Variants in CDH23 observed in about 807,000 individuals in gnomAD.
CDH23 encodes the protein cadherin related 23, also known as cadherin-23.
Under a neutral mutation model 317.1 loss-of-function variants are expected in CDH23, and 189 were observed. That is an observed-to-expected ratio of 0.60 (90% CI 0.53 to 0.67). CDH23 has a LOEUF of 0.67. Ranked by LOEUF, CDH23 falls within the 30% of genes least tolerant of loss-of-function variation. CDH23 has a pLI of 0.00. For missense variants in CDH23, 4,401 were observed against 4,592.4 expected, an observed-to-expected ratio of 0.96 and a Z score of 1.20; for synonymous variants, 1,839 against 1,876.8, an observed-to-expected ratio of 0.98 and a Z score of 0.52.
At chr10:71,461,178 C>G (rs1850963836) in intron 3 of CDH23, among the ~76,000 whole-genome samples, 1 of 152,238 alleles carries the variant, frequency 6.6e-6, no homozygotes, top group Non-Finnish European at 1.5e-5. Context: ...AGGGGACCAT[C>G]AGGAGACAGG....
At chr10:71,758,288 G>C (rs1037148392) in intron 38 of CDH23, among the ~76,000 whole-genome samples, 13 of 152,158 alleles carry the variant, frequency 8.5e-5, no homozygotes, top group African/African-American at 3.1e-4. Context: ...TCCCCATTCC[G>C]GCTTAGGTCC....
intron 11 of CDH23, among the ~76,000 whole-genome samples, chr10:71,624,917 A>C (rs1589273451): frequency 6.6e-6 from 1 of 152,050 alleles, no homozygotes; most frequent in Non-Finnish European, 1.5e-5. Flanking sequence ...CCCATTTGCA[A>C]ACATGGCTTC....
At chr10:71,743,266 T>C (rs73275879) in intron 38 of CDH23, among the ~76,000 whole-genome samples, 3,188 of 152,254 alleles carry the variant, frequency 0.021, 124 homozygotes, top group African/African-American at 0.071. Flanking sequence ...TTGTAATCTG[T>C]CTCCTGGAAG....
chr10:71,568,976 C>A (rs1857585076), intron 7 of CDH23, among the ~76,000 whole-genome samples: 1 of 152,228 alleles, frequency 6.6e-6, no homozygotes, highest in Non-Finnish European at 1.5e-5. Flanking sequence ...CCTGCAAAAG[C>A]CTGGTTATGG....
chr10:71,790,615 A>G (rs1841223639), intron 46 of CDH23: 1 of 654,932 alleles, frequency 1.5e-6, no homozygotes, highest in African/African-American at 1.8e-5. Context: ...AGGCTTGGAG[A>G]CGATACACAG....
chr10:71,769,477 T>C (rs1446370492), intron 38 of CDH23, among the ~76,000 whole-genome samples: 1 of 152,090 alleles, frequency 6.6e-6, no homozygotes, highest in Non-Finnish European at 1.5e-5. Context: ...AAAGAATGAG[T>C]AGATTTAAAG....
chr10:71,487,973 A>G (rs1852443639), intron 3 of CDH23, among the ~76,000 whole-genome samples: 2 of 152,216 alleles, frequency 1.3e-5, no homozygotes. Context: ...CTGTGCGTAC[A>G]CCATCATTGC....
chr10:71,729,474 G>T (rs1436376412), intron 30 of CDH23, among the ~76,000 whole-genome samples: 1 of 152,196 alleles, frequency 6.6e-6, no homozygotes, highest in Non-Finnish European at 1.5e-5. Flanking sequence ...TGGAGTCTTT[G>T]CTCTCCACGC....
At chr10:71,422,097 A>G (rs78142451) in intron 1 of CDH23, among the ~76,000 whole-genome samples, 1,730 of 152,326 alleles carry the variant, frequency 0.011, 31 homozygotes, top group African/African-American at 0.039. Context: ...GTAATCTCCA[A>G]TCATGGTGTT....
intron 20 of CDH23, among the ~76,000 whole-genome samples, chr10:71,693,857 C>T (rs376544428): frequency 6.6e-6 from 1 of 152,224 alleles, no homozygotes; most frequent in Non-Finnish European, 1.5e-5. Context: ...TGTTCTCCAG[C>T]CCCTAACCCC....
chr10:71,639,143 C>T (rs889420052), intron 11 of CDH23, among the ~76,000 whole-genome samples: 33 of 152,226 alleles, frequency 2.2e-4, no homozygotes, highest in African/African-American at 7.5e-4. Context: ...GCTCTGGCTC[C>T]GGGACCCGCG....
chr10:71,804,372 A>G (rs562735192), intron 55 of CDH23, among the ~76,000 whole-genome samples: 146 of 152,320 alleles, frequency 9.6e-4, no homozygotes, highest in African/African-American at 3.3e-3. Context: ...AGATAGGGGA[A>G]GTATTCCTTT....
At chr10:71,431,925 G>C (rs1849389585) in intron 1 of CDH23, among the ~76,000 whole-genome samples, 1 of 152,236 alleles carries the variant, frequency 6.6e-6, no homozygotes, top group Non-Finnish European at 1.5e-5. Flanking sequence ...TTTCCCAAAA[G>C]AGGGGAGTGT....
At chr10:71,637,772 C>T (rs1489749318) in intron 11 of CDH23, among the ~76,000 whole-genome samples, 1 of 152,158 alleles carries the variant, frequency 6.6e-6, no homozygotes, top group Non-Finnish European at 1.5e-5. Context: ...CACACCAGCC[C>T]ACCAACCAGA....
At chr10:71,486,137 C>T (rs772056873) in intron 3 of CDH23, among the ~76,000 whole-genome samples, 2 of 152,146 alleles carry the variant, frequency 1.3e-5, no homozygotes, top group African/African-American at 2.4e-5. Context: ...AATTAAGCTG[C>T]GAAGACATTA....
intron 38 of CDH23, among the ~76,000 whole-genome samples, chr10:71,764,728 G>A (rs1280050119): frequency 6.6e-6 from 1 of 152,212 alleles, no homozygotes; most frequent in Non-Finnish European, 1.5e-5. Flanking sequence ...TCTTGGTCCT[G>A]TGGACATTTG....
intron 9 of CDH23, among the ~76,000 whole-genome samples, chr10:71,582,874 G>A (rs760723577): frequency 3.3e-5 from 5 of 152,206 alleles, no homozygotes; most frequent in Non-Finnish European, 5.9e-5. Context: ...CCTATGCAGC[G>A]GCAGCTTTAA....
At chr10:71,795,084 C>T (rs1841362886) in intron 48 of CDH23, among the ~76,000 whole-genome samples, 1 of 152,036 alleles carries the variant, frequency 6.6e-6, no homozygotes, top group Non-Finnish European at 1.5e-5. Context: ...GCACCATTTC[C>T]ATAAATGTAA....
At chr10:71,631,567 T>C (rs576603306) in intron 11 of CDH23, among the ~76,000 whole-genome samples, 1 of 152,328 alleles carries the variant, frequency 6.6e-6, no homozygotes, top group Admixed American at 6.5e-5. Context: ...TCCATTTCTG[T>C]TTTTGGCATG....
Sources: gnomAD v4.1 joint callset for allele counts (sites outside exome capture counted in the v4.1 genomes callset) on GRCh38, gnomAD v4.1.1 for gene constraint, MANE v1.5 for transcripts, NCBI Gene and HGNC (gene_info 2026-07-23, HGNC 2026-07-21) for gene names.